Variants in LFNG observed in about 807,000 individuals in gnomAD.
LFNG encodes beta-1,3-N-acetylglucosaminyltransferase lunatic fringe.
A neutral mutation model predicts 32.7 loss-of-function variants in LFNG; 15 were observed. The observed-to-expected ratio is 0.46, with a 90% CI of 0.31 to 0.71. The LOEUF (loss-of-function observed/expected upper bound fraction) is 0.71. Among genes scored for constraint, LFNG ranks in the 30% least tolerant of loss-of-function variants. The pLI is 0.06. For synonymous variants in LFNG, 274 were observed against 246.8 expected (o/e 1.11, Z -1.03); for missense variants, 520 against 545.7 (o/e 0.95, Z 0.47).
chr7:2,516,395 G>GC (rs1416020497), upstream of LFNG, among the ~76,000 whole-genome samples: 4 of 152,230 alleles, frequency 2.6e-5, no homozygotes, highest in African/African-American at 7.2e-5. Context: ...CCAAGGAACA[G>GC]CCCGGGGGAG....
At position 2,527,326 on chromosome 7, in the gene LFNG, G is replaced by A. The variant is rs7457877; in HGVS notation, c.*114G>A. ...GGCTCCCCTAGGGCCGTGCCTGTGC[G>A]TGTGCGTGTGCGTGTGTGTGTGTGT... On this transcript the variant is annotated 3_prime_UTR_variant, in exon 8 of 8. Coordinates refer to ENST00000222725, the MANE Select transcript of LFNG (RefSeq NM_001040167.2). The surrounding 1 kb of genome is among the most constrained non-coding windows in gnomAD (Gnocchi z 4.4). The A allele has an allele frequency of 1.5e-4, 226 of 1,519,610 alleles. 2 individuals are homozygous for A. The East Asian group carries it at 5.1e-3, about 35-fold the overall frequency. The allele number at this position is 1,519,610 out of a possible 1,614,324, so 94.1% of individuals were successfully genotyped here.
At chr7:2,513,869 A>T (rs1779548294), upstream of LFNG, among the ~76,000 whole-genome samples, 2 of 152,252 alleles carry the variant, frequency 1.3e-5, no homozygotes, top group African/African-American at 4.8e-5. Context: ...AGCTGGCCTC[A>T]GACAGAAGCG....
At chr7:2,528,790 C>T (rs1583280233), downstream of LFNG, 3 of 655,980 alleles carry the variant, frequency 4.6e-6, no homozygotes. Context: ...GACAGTGACT[C>T]CTGTGACCGG....
At chr7:2,528,951 T>G (rs932732068), downstream of LFNG, 1 of 495,524 alleles carries the variant, frequency 2.0e-6, no homozygotes, top group Non-Finnish European at 3.7e-6. Context: ...GCGCTCAGAC[T>G]CCAAGCCAGG....
At position 2,526,264 on chromosome 7, in the gene LFNG, C is replaced by A; in HGVS notation, c.842C>A (p.Thr281Lys). ...CGCAGCGGGGGTCACTTCATGAATA[C>A]GGCTGAGCGGATCCGGCTGCCTGAT... is the stretch of plus-strand genomic sequence containing the variant. The part of the protein sequence containing the change: ...PWASGGHFMN[T>K]AERIRLPDDC... The change falls in exon 6 of 8, where the codon ACG becomes AAG. Residue 281 changes from threonine (T) to lysine (K), a missense_variant. Physicochemically the swap from Thr to Lys is moderately conservative, Grantham distance 78. This residue lies in a region of LFNG where 150 missense variants were observed against 159.9 expected (regional missense o/e 0.94). Transcript: ENST00000222725. This position sits in a 1 kb window ranked among gnomAD's most constrained non-coding sequence, Gnocchi z 6.9. 2.5e-6 allele frequency: 4 copies of A among 1,612,920 alleles called. No individual in the cohort carries two copies. Among genetic ancestry groups the A allele is most frequent in the Non-Finnish European group, 3.4e-6 (4 of 1,179,950 alleles).
upstream of LFNG, chr7:2,513,328 G>C: frequency 6.3e-7 from 1 of 1,592,830 alleles, no homozygotes; most frequent in Non-Finnish European, 8.6e-7. Context: ...TCTCTCAGCA[G>C]GTGTGATCGC....
In LFNG at chr7:2,519,901, G is replaced by T. The variant is rs1343216430; in HGVS notation, c.40G>T (p.Ala14Ser). 2 of 1,100,234 alleles carry T rather than the reference G, an allele frequency of 1.8e-6. No individual in the cohort carries two copies. The highest frequency in any genetic ancestry group is 6.0e-5 in the South Asian group (2 of 33,372). 68.2% of individuals were successfully genotyped at this position (1,100,234 alleles called of 1,614,324 possible). ...RCGRRLLLAL[A>S]GALLACLLVL... is the part of the protein sequence containing the mutation. Reference sequence around the variant, plus strand: ...CGGCCGGCGCCTGCTGCTGGCGCTGGCGGGCGCGCTGCTCGCCTGCCTGCT... The same window carrying T: ...CGGCCGGCGCCTGCTGCTGGCGCTGTCGGGCGCGCTGCTCGCCTGCCTGCT... The change falls in exon 1 of 8, where the codon GCG (alanine) becomes TCG (serine). Residue 14 changes from alanine to serine, a missense_variant. Coordinates refer to ENST00000222725, the MANE Select transcript of LFNG (RefSeq NM_001040167.2).
upstream of LFNG, among the ~76,000 whole-genome samples, chr7:2,514,419 A>G (rs1356717212): frequency 1.3e-5 from 2 of 152,226 alleles, no homozygotes; most frequent in Non-Finnish European, 2.9e-5. Flanking sequence ...CAAGCAGCTG[A>G]CATCCAGCAC....
rs1232636075 is a variant in LFNG, at chr7:2,526,155, G to T, written c.822-89G>T. On this transcript the variant is annotated intron_variant, in intron 5 of 7. Coordinates refer to ENST00000222725, the MANE Select transcript of LFNG (RefSeq NM_001040167.2). This position sits in a 1 kb window ranked among gnomAD's most constrained non-coding sequence, Gnocchi z 6.9. ...TCCTCAGGGCTCCTCTCCCTGAGGA[G>T]TGCAGCGCCTTTGCCTGGTGGGGCC... 9.7e-6 allele frequency: 14 copies of T among 1,437,456 alleles called. No homozygotes were observed. In the Admixed American group the frequency reaches 2.4e-4, roughly 25 times the overall value. The allele number at this position is 1,437,456 out of a possible 1,614,324, so 89.0% of individuals were successfully genotyped here.
At chr7:2,522,180 T>A (rs1779810490) in intron 1 of LFNG, among the ~76,000 whole-genome samples, 1 of 152,050 alleles carries the variant, frequency 6.6e-6, no homozygotes, top group South Asian at 2.1e-4. Context: ...ACAGTGGGCA[T>A]CTGACCCACA....
downstream of LFNG, chr7:2,528,490 G>A: frequency 1.1e-6 from 1 of 933,172 alleles, no homozygotes; most frequent in South Asian, 4.6e-5. Context: ...CCAGGGTCAG[G>A]AGAGGCACAC....
upstream of LFNG, chr7:2,513,144 T>G: frequency 6.2e-7 from 1 of 1,612,812 alleles, no homozygotes; most frequent in East Asian, 2.2e-5. Context: ...CCTCACCTAC[T>G]ACCTTCCCCC....
intron 1 of LFNG, chr7:2,512,831 A>T: frequency 1.2e-6 from 1 of 835,642 alleles, no homozygotes; most frequent in South Asian, 1.4e-5. Context: ...GCTTCTCTTT[A>T]TCTCCAGCCT....
At chr7:2,517,005 C>T (rs11770785), upstream of LFNG, among the ~76,000 whole-genome samples, 43,531 of 152,002 alleles carry the variant, frequency 0.29, 7,542 homozygotes, top group Non-Finnish European at 0.39. Flanking sequence ...TCACTGGCAA[C>T]TCGGTCAGCC....
At chr7:2,528,937 G>T, downstream of LFNG, 1 of 508,342 alleles carries the variant, frequency 2.0e-6, no homozygotes. Flanking sequence ...GGTGGGCTGG[G>T]GAGGCGCTCA....
upstream of LFNG, among the ~76,000 whole-genome samples, chr7:2,514,347 TACAC>T (rs1779557242): frequency 6.6e-6 from 1 of 152,096 alleles, no homozygotes; most frequent in Non-Finnish European, 1.5e-5. Context: ...AAGCACCTGA[TACAC>T]ACAGGCACTG....
In LFNG at chr7:2,527,775, C is replaced by T. The variant is rs1239128995; in HGVS notation, c.*563C>T. ...GTGGCTTAAGAGTAACAGCAGCCACCGCCCAGTTCCAGTGGCCCCACGAAG... is the reference window on the plus strand; with the variant it reads ...GTGGCTTAAGAGTAACAGCAGCCACTGCCCAGTTCCAGTGGCCCCACGAAG... On this transcript the variant is annotated 3_prime_UTR_variant, in exon 8 of 8. Coordinates refer to ENST00000222725, the MANE Select transcript of LFNG (RefSeq NM_001040167.2). The surrounding 1 kb of genome is among the most constrained non-coding windows in gnomAD (Gnocchi z 4.4). The T allele has an allele frequency of 3.0e-6, 3 of 1,006,928 alleles. No homozygotes were observed. The highest frequency in any genetic ancestry group is 3.6e-6 in the Non-Finnish European group (3 of 841,330). The allele number at this position is 1,006,928 out of a possible 1,614,324, so 62.4% of individuals were successfully genotyped here. A position where few individuals can be genotyped will look rare whatever the true frequency, so the allele number is the denominator to read the frequency against.
rs1780000627 is a variant in LFNG, at chr7:2,526,978, G to C, written c.1073+57G>C. 1.3e-6 allele frequency: 2 copies of C among 1,512,930 alleles called. No individual in the cohort carries two copies. The highest frequency in any genetic ancestry group is 1.7e-5 in the Admixed American group (1 of 58,310). 93.7% of individuals were successfully genotyped at this position (1,512,930 alleles called of 1,614,324 possible). ...TAGGGTGGCCTAGGGGCGTCAGGGG[G>C]CCTCGTGGAGCTGCAGCAGGGTCTC... On this transcript the variant is annotated intron_variant, in intron 7 of 7. Transcript: ENST00000222725. This position sits in a 1 kb window ranked among gnomAD's most constrained non-coding sequence, Gnocchi z 6.9.
In LFNG at chr7:2,526,851, G is replaced by C; in HGVS notation, c.1003G>C (p.Gly335Arg). 7 of 1,612,462 alleles carry C rather than the reference G, an allele frequency of 4.3e-6. No individual in the cohort carries two copies. The highest frequency in any genetic ancestry group is 5.9e-6 in the Non-Finnish European group (7 of 1,179,882). ...ELHEQVTLSY[G>R]MFENKRNAVH... Reference sequence around the variant, plus strand: ...CTCCCCACAGGTGACGCTGAGCTACGGTATGTTTGAAAACAAGCGGAACGC... The same window carrying C: ...CTCCCCACAGGTGACGCTGAGCTACCGTATGTTTGAAAACAAGCGGAACGC... The change falls in exon 7 of 8, where the codon GGT (glycine) becomes CGT (arginine). Residue 335 changes from glycine (G) to arginine (R), a missense_variant. By Grantham distance (125) the Gly-to-Arg change is moderately radical. Around this residue, in one of 3 missense-constraint regions of LFNG, gnomAD observed 150 missense variants for 159.9 expected, o/e 0.94. Transcript: ENST00000222725. This position sits in a 1 kb window ranked among gnomAD's most constrained non-coding sequence, Gnocchi z 6.9.
Sources: gnomAD v4.1 joint callset for allele counts (sites outside exome capture counted in the v4.1 genomes callset) on GRCh38, gnomAD v4.1.1 for gene constraint, gnomAD v4.1.1 regional missense constraint, Gnocchi (gnomAD v3.1) non-coding constraint, MANE v1.5 for transcripts, NCBI Gene and HGNC (gene_info 2026-07-23, HGNC 2026-07-21) for gene names.